Variants in RFX4 observed in about 807,000 individuals in gnomAD.
RFX4 encodes the protein regulatory factor X4.
Under a neutral mutation model 95.0 loss-of-function variants are expected in RFX4, and 10 were observed. That is an observed-to-expected ratio of 0.11 (90% CI 0.06 to 0.18). RFX4 has a LOEUF of 0.18. Among genes scored for constraint, RFX4 ranks in the 10% least tolerant of loss-of-function variants. The probability of loss-of-function intolerance (pLI) is 1.00; values close to 1 mark genes in which losing one functional copy is unlikely to be tolerated. For missense variants in RFX4, 640 were observed against 922.0 expected (o/e 0.69, Z 3.96); for synonymous variants, 321 against 340.7 (o/e 0.94, Z 0.64).
intron 3 of RFX4, among the ~76,000 whole-genome samples, chr12:106,644,999 T>G (rs538243549): frequency 4.6e-5 from 7 of 152,126 alleles, no homozygotes; most frequent in African/African-American, 1.7e-4. Context: ...TAGGAGCTAT[T>G]TGCTTCTCCT....
intron 4 of RFX4, among the ~76,000 whole-genome samples, chr12:106,673,372 G>T (rs918560761): frequency 1.4e-4 from 21 of 152,170 alleles, no homozygotes; most frequent in African/African-American, 4.8e-4. Flanking sequence ...CTGCACTCTT[G>T]TCCCACTTCC....
intron 1 of RFX4, among the ~76,000 whole-genome samples, chr12:106,597,041 TACTATGTGC>T (rs1415163150): frequency 6.6e-6 from 1 of 152,246 alleles, no homozygotes; most frequent in Non-Finnish European, 1.5e-5. Context: ...TTGGATCCCT[TACTATGTGC>T]TAGGCACAGT....
At chr12:106,759,391 G>A (rs1321641827) in intron 17 of RFX4, among the ~76,000 whole-genome samples, 1 of 152,202 alleles carries the variant, frequency 6.6e-6, no homozygotes, top group East Asian at 1.9e-4. Flanking sequence ...CCCAGGAGTT[G>A]ACTTGAGAGA....
rs1454803545 is a variant in RFX4, at chr12:106,761,347, G to A, written c.2086G>A (p.Gly696Arg). 6 of 1,614,030 alleles carry A rather than the reference G, an allele frequency of 3.7e-6. No homozygotes were observed. Among genetic ancestry groups the A allele is most frequent in the East Asian group, 2.2e-5 (1 of 44,862 alleles). ...CCCGTCTGTGCATTCTGCGAGGTACGGAAACTCTAGTGACATGTATACACC... is the reference window on the plus strand; with the variant it reads ...CCCGTCTGTGCATTCTGCGAGGTACAGAAACTCTAGTGACATGTATACACC... ...TSPSVHSARY[G>R]NSSDMYTPLT... Residue 696 changes from glycine to arginine, a missense_variant, in exon 18 of 18, where the codon GGA becomes AGA. Transcript: ENST00000392842.
chr12:106,658,104 C>T (rs2040997096), intron 4 of RFX4, among the ~76,000 whole-genome samples: 1 of 152,132 alleles, frequency 6.6e-6, no homozygotes, highest in South Asian at 2.1e-4. Flanking sequence ...ATGCCTGGCA[C>T]AGAATAAGCC....
At chr12:106,641,490 C>T (rs931394500) in intron 3 of RFX4, among the ~76,000 whole-genome samples, 1 of 152,210 alleles carries the variant, frequency 6.6e-6, no homozygotes, top group Admixed American at 6.5e-5. Context: ...ACAGGGACCA[C>T]CTGGAGCAGG....
At chr12:106,584,635 G>C (rs1176092439) in intron 1 of RFX4, among the ~76,000 whole-genome samples, 3 of 152,228 alleles carry the variant, frequency 2.0e-5, no homozygotes, top group African/African-American at 7.2e-5. Flanking sequence ...GTGGGGGCTG[G>C]GGTCATCGGG....
chr12:106,586,429 G>C lies in RFX4; in HGVS notation c.43+3066G>C, dbSNP rs938147034. Among the ~76,000 whole-genome samples, 5 of 152,136 alleles carry C rather than the reference G, an allele frequency of 3.3e-5. No homozygotes were observed. The highest frequency in any genetic ancestry group is 5.9e-5 in the Non-Finnish European group (4 of 68,018). ...TCAAGTTATCCGGAAATTCGAGAACGATGGGGGAAAGTGGGTAGAATTTTA... is the reference window on the plus strand; with the variant it reads ...TCAAGTTATCCGGAAATTCGAGAACCATGGGGGAAAGTGGGTAGAATTTTA... On this transcript the variant is annotated intron_variant, in intron 1 of 17. Coordinates refer to ENST00000392842, the MANE Select transcript of RFX4 (RefSeq NM_213594.3). The surrounding 1 kb of genome is among the most constrained non-coding windows in gnomAD (Gnocchi z 5.6).
Position 106,583,235 on chromosome 12 carries a change from T to C in RFX4, c.-86T>C. The C allele has an allele frequency of 8.4e-6, 4 of 477,906 alleles. No homozygotes were observed. Among genetic ancestry groups the C allele is most frequent in the Non-Finnish European group, 1.2e-5 (3 of 256,558 alleles). 29.6% of individuals were successfully genotyped at this position (477,906 alleles called of 1,614,324 possible). A position where few individuals can be genotyped will look rare whatever the true frequency, so the allele number is the denominator to read the frequency against. On this transcript the variant is annotated 5_prime_UTR_variant, in exon 1 of 18. Transcript: ENST00000392842. The stretch of plus-strand genomic sequence containing the variant: ...CTCTCTCCCCTTCTCCCTCCCTCCC[T>C]CCCTTCCTCCCTGGGCATCTCTAGC...
rs145541969 is a variant in RFX4 at position 106,609,010 on chromosome 12, T to C, written c.130+127T>C. 105 of 735,488 alleles carry C rather than the reference T, an allele frequency of 1.4e-4. No individual in the cohort carries two copies. In the African/African-American group the frequency reaches 1.7e-3, roughly 12 times the overall value. 45.6% of individuals were successfully genotyped at this position (735,488 alleles called of 1,614,324 possible). A position where few individuals can be genotyped will look rare whatever the true frequency, so the allele number is the denominator to read the frequency against. ...GAACAAGACACTCTCTAGCTATTTA[T>C]GAAATATCCCAGGTCCTCTCTGTAA... On this transcript the variant is annotated intron_variant, in intron 2 of 17. Transcript: ENST00000392842.
intron 8 of RFX4, among the ~76,000 whole-genome samples, chr12:106,700,648 C>T (rs927407791): frequency 3.2e-4 from 49 of 151,544 alleles, no homozygotes; most frequent in African/African-American, 9.2e-4. Flanking sequence ...CCTCGTGATC[C>T]GCCCGCCTCG....
chr12:106,679,952 C>G (rs941355177), intron 4 of RFX4, among the ~76,000 whole-genome samples: 1 of 152,150 alleles, frequency 6.6e-6, no homozygotes, highest in Non-Finnish European at 1.5e-5. Flanking sequence ...TTACTCAGGT[C>G]ACCACAATTT....
intron 1 of RFX4, among the ~76,000 whole-genome samples, chr12:106,607,236 C>T (rs537217410): frequency 6.6e-6 from 1 of 152,270 alleles, no homozygotes; most frequent in Non-Finnish European, 1.5e-5. Context: ...AAAGACCACT[C>T]AGTTTACTGG....
At chr12:106,674,106 G>A (rs1030524740) in intron 4 of RFX4, among the ~76,000 whole-genome samples, 23 of 152,112 alleles carry the variant, frequency 1.5e-4, no homozygotes, top group South Asian at 4.2e-4. Flanking sequence ...CCACTCCCTC[G>A]CCCACTGGCT....
In RFX4 at chr12:106,640,618, T is replaced by C. The variant is rs116558856; in HGVS notation, c.191+1226T>C. 9.5e-4 allele frequency among the ~76,000 whole-genome samples: 145 copies of C among 152,306 alleles called. 4 individuals carry two copies. In the East Asian group the frequency reaches 0.011, roughly 11 times the overall value. On this transcript the variant is annotated intron_variant, in intron 3 of 17. Coordinates refer to ENST00000392842, the MANE Select transcript of RFX4 (RefSeq NM_213594.3). ...TCATTGCATTTGCTGCTTTTTGCTT[T>C]ATTTAAAATTCTACTTTATGTATCA... is the stretch of plus-strand genomic sequence containing the variant.
At chr12:106,636,390 CAAAAAA>C (rs34305367) in intron 2 of RFX4, among the ~76,000 whole-genome samples, 1 of 76,878 alleles carries the variant, frequency 1.3e-5, no homozygotes, top group African/African-American at 4.6e-5. Flanking sequence ...AACTCTGTCT[CAAAAAA>C]AAAAAAAAAA....
At chr12:106,651,587 T>A (rs1463249745) in intron 3 of RFX4, among the ~76,000 whole-genome samples, 1 of 152,244 alleles carries the variant, frequency 6.6e-6, no homozygotes, top group Non-Finnish European at 1.5e-5. Context: ...TAAATATTAT[T>A]TCTTGTGCAT....
chr12:106,682,007 G>A lies in RFX4; in HGVS notation c.330G>A (p.Gln110=), dbSNP rs200119049. Residue 110 remains glutamine (Q), a synonymous_variant, in exon 5 of 18, where the codon CAG becomes CAA. Coordinates refer to ENST00000392842, the MANE Select transcript of RFX4 (RefSeq NM_213594.3). ...AASFGKIIRQ[Q]FPQLTTRRLG... is the part of the protein sequence containing the mutation. Reference sequence around the variant, plus strand: ...TTGACTTACAGATCATAAGGCAGCAGTTTCCTCAGTTAACCACCAGAAGAC... The same window carrying A: ...TTGACTTACAGATCATAAGGCAGCAATTTCCTCAGTTAACCACCAGAAGAC... 6.2e-7 allele frequency: 1 copy of A among 1,614,198 alleles called. No homozygotes were observed. The highest frequency in any genetic ancestry group is 8.5e-7 in the Non-Finnish European group (1 of 1,180,040).
intron 13 of RFX4, among the ~76,000 whole-genome samples, chr12:106,724,227 T>C (rs1021709768): frequency 1.3e-5 from 2 of 152,224 alleles, no homozygotes; most frequent in African/African-American, 4.8e-5. Flanking sequence ...CATACTATCA[T>C]TGAATTCTTG....
Sources: allele counts gnomAD v4.1 joint callset (sites outside exome capture counted in the v4.1 genomes callset), GRCh38; gene constraint gnomAD v4.1.1; non-coding constraint Gnocchi (gnomAD v3.1); transcripts MANE v1.5; gene names NCBI Gene and HGNC (gene_info 2026-07-23, HGNC 2026-07-21).